The following ADCY8 variants were observed in gnomAD, a reference collection of about 807,000 sequenced individuals.
ADCY8 encodes adenylate cyclase type 8.
ADCY8 carries 51 observed loss-of-function variants against 119.7 expected under a neutral mutation model. The ratio of observed to expected loss-of-function variants is 0.43; its 90% CI spans 0.34 to 0.54. ADCY8 has a LOEUF of 0.54. Among genes scored for constraint, ADCY8 ranks in the 20% least tolerant of loss-of-function variants. The pLI is 0.03. For synonymous variants in ADCY8, 665 were observed against 651.0 expected (o/e 1.02, Z -0.33); for missense variants, 1,383 against 1,598.8 (o/e 0.87, Z 2.30).
chr8:130,782,075 G>A (rs1303778342), intron 17 of ADCY8, among the ~76,000 whole-genome samples: 1 of 152,120 alleles, frequency 6.6e-6, no homozygotes, highest in African/African-American at 2.4e-5. Flanking sequence ...GGAGAAAGAT[G>A]GAAGAGAGTA....
chr8:130,912,164 C>A (rs957614317), intron 5 of ADCY8, among the ~76,000 whole-genome samples: 1 of 152,152 alleles, frequency 6.6e-6, no homozygotes, highest in East Asian at 1.9e-4. Flanking sequence ...GACTATGTAC[C>A]CTTCCCTGTG....
At chr8:130,907,588 G>A (rs1819829766) in intron 6 of ADCY8, among the ~76,000 whole-genome samples, 2 of 152,190 alleles carry the variant, frequency 1.3e-5, no homozygotes, top group African/African-American at 2.4e-5. Flanking sequence ...AGGGCATGAA[G>A]TACTTGCCAC....
chr8:130,950,016 T>C (rs1037701446), intron 3 of ADCY8, among the ~76,000 whole-genome samples: 12 of 152,208 alleles, frequency 7.9e-5, no homozygotes, highest in African/African-American at 2.4e-4. Context: ...GTTAGAATCA[T>C]GATCTCTACT....
chr8:131,006,433 C>G (rs142191265), intron 1 of ADCY8, among the ~76,000 whole-genome samples: 64 of 152,288 alleles, frequency 4.2e-4, no homozygotes, highest in African/African-American at 1.5e-3. Flanking sequence ...ATGCCCTTAT[C>G]AAGAGAATGA....
At chr8:131,011,948 C>T (rs189611088) in intron 1 of ADCY8, among the ~76,000 whole-genome samples, 2 of 152,266 alleles carry the variant, frequency 1.3e-5, no homozygotes, top group African/African-American at 2.4e-5. Flanking sequence ...CTAAATGGTG[C>T]TGTGTCCCTG....
At position 130,836,354 on chromosome 8, in the gene ADCY8, A is replaced by C. The variant is rs1816986213; in HGVS notation, c.2598T>G (p.Ile866Met). The change falls in exon 12 of 18, where the codon ATT becomes ATG. Residue 866 changes from isoleucine to methionine, a missense_variant. Physicochemically the swap from Ile to Met is conservative, Grantham distance 10 (BLOSUM62 1). Transcript: ENST00000286355. ...VLKLAVLLIM[I>M]AIYALLTETV... ...TCTCAGTGAGCAGGGCATAGATGGC[A>C]ATCATGATCAGCAGCACTGCCAGCT... The C allele has an allele frequency of 1.2e-6, 2 of 1,614,006 alleles. No homozygotes were observed. The highest frequency in any genetic ancestry group is 1.7e-6 in the Non-Finnish European group (2 of 1,179,896).
chr8:130,993,041 T>A (rs1822650602), intron 1 of ADCY8, among the ~76,000 whole-genome samples: 1 of 152,144 alleles, frequency 6.6e-6, no homozygotes, highest in Admixed American at 6.5e-5. Context: ...TCAGTTATGA[T>A]AAAGATTTTC....
At chr8:130,860,131 T>C (rs1472240261) in intron 9 of ADCY8, among the ~76,000 whole-genome samples, 1 of 152,218 alleles carries the variant, frequency 6.6e-6, no homozygotes, top group Non-Finnish European at 1.5e-5. Context: ...GGTCATTGTT[T>C]TAATTTAAAT....
chr8:130,803,716 C>T (rs543864788), intron 14 of ADCY8, among the ~76,000 whole-genome samples: 3 of 152,310 alleles, frequency 2.0e-5, no homozygotes, highest in African/African-American at 7.2e-5. Flanking sequence ...TTTTGGATCA[C>T]ACAGCTAGTA....
At chr8:130,901,545 T>C (rs966772069) in intron 7 of ADCY8, among the ~76,000 whole-genome samples, 1 of 152,192 alleles carries the variant, frequency 6.6e-6, no homozygotes, top group African/African-American at 2.4e-5. Context: ...ACTGGGTGTT[T>C]TGGCAAAGCA....
rs147324030 is a variant in ADCY8, at chr8:130,931,819, G to C, written c.1481+5254C>G. Among the ~76,000 whole-genome samples the C allele has an allele frequency of 3.1e-3, 468 of 151,920 alleles. 3 individuals are homozygous for C. Among genetic ancestry groups the C allele is most frequent in the African/African-American group, 0.01 (421 of 41,432 alleles). The stretch of plus-strand genomic sequence containing the variant: ...TTTCAATCACTCCATTAAGTTTCTT[G>C]TTCTGGTCACTTATTATTTTCCTCA... On this transcript the variant is annotated intron_variant, in intron 5 of 17. Coordinates refer to ENST00000286355, the MANE Select transcript of ADCY8 (RefSeq NM_001115.3).
intron 8 of ADCY8, among the ~76,000 whole-genome samples, chr8:130,881,131 A>G (rs1315476865): frequency 6.6e-6 from 1 of 152,086 alleles, no homozygotes; most frequent in African/African-American, 2.4e-5. Flanking sequence ...ATCAAAATTG[A>G]CCCATGCCTT....
chr8:130,945,278 T>C (rs2130644065), intron 3 of ADCY8, among the ~76,000 whole-genome samples: 1 of 152,296 alleles, frequency 6.6e-6, no homozygotes, highest in South Asian at 2.1e-4. Flanking sequence ...GTCCTGAAAG[T>C]GATGGAAAGC....
chr8:130,794,649 G>A (rs529481728), intron 15 of ADCY8, among the ~76,000 whole-genome samples: 2 of 152,318 alleles, frequency 1.3e-5, no homozygotes, highest in South Asian at 4.1e-4. Flanking sequence ...TATGTGCCAA[G>A]TGTATTAGTC....
chr8:130,884,543 G>T lies in ADCY8; in HGVS notation c.2109+21C>A, dbSNP rs753936482. On this transcript the variant is annotated intron_variant, in intron 8 of 17. Transcript: ENST00000286355. ...CCACAATTTACTCAGAAAAAGAGCCGCTGTGGAGACCCAGCTCTACCTTGT... is the reference window on the plus strand; with the variant it reads ...CCACAATTTACTCAGAAAAAGAGCCTCTGTGGAGACCCAGCTCTACCTTGT... 7 of 1,612,128 alleles carry T rather than the reference G, an allele frequency of 4.3e-6. No homozygotes were observed. The Admixed American group carries it at 6.7e-5, about 15-fold the overall frequency.
At chr8:130,923,544 T>G (rs1278359555) in intron 5 of ADCY8, among the ~76,000 whole-genome samples, 1 of 152,212 alleles carries the variant, frequency 6.6e-6, no homozygotes, top group Non-Finnish European at 1.5e-5. Context: ...GACCAAGCTC[T>G]GCAATTTTCA....
intron 1 of ADCY8, among the ~76,000 whole-genome samples, chr8:131,022,771 A>G (rs1295577632): frequency 2.6e-5 from 4 of 152,272 alleles, no homozygotes; most frequent in African/African-American, 7.2e-5. Flanking sequence ...ATGTAACAAC[A>G]GATAAACTTT....
At chr8:130,963,037 G>A (rs181097473) in intron 2 of ADCY8, among the ~76,000 whole-genome samples, 1 of 151,708 alleles carries the variant, frequency 6.6e-6, no homozygotes, top group African/African-American at 2.4e-5. Flanking sequence ...AAATCAAAGA[G>A]TTTAAGTAAA....
intron 8 of ADCY8, among the ~76,000 whole-genome samples, chr8:130,869,734 G>T (rs1482047801): frequency 6.6e-6 from 1 of 151,698 alleles, no homozygotes; most frequent in African/African-American, 2.4e-5. Flanking sequence ...AGCCAGGATG[G>T]TCTCGATATC....
Sources: allele counts gnomAD v4.1 joint callset (sites outside exome capture counted in the v4.1 genomes callset), GRCh38; gene constraint gnomAD v4.1.1; transcripts MANE v1.5; gene names NCBI Gene and HGNC (gene_info 2026-07-23, HGNC 2026-07-21).